The following TRMT9B variants were observed in gnomAD, a reference collection of about 807,000 sequenced individuals.
TRMT9B encodes the protein probable tRNA methyltransferase 9B.
Under a neutral mutation model 11.5 loss-of-function variants are expected in TRMT9B, and 16 were observed. The ratio of observed to expected loss-of-function variants is 1.39; its 90% CI spans 0.94 to 2.11. TRMT9B has a LOEUF of 2.11. TRMT9B is among the 30% of genes most tolerant of loss of function. The pLI is 0.00. For missense variants in TRMT9B, 941 were observed against 553.8 expected (o/e 1.70, Z -7.02); for synonymous variants, 274 against 192.4 (o/e 1.42, Z -3.51).
At chr8:12,981,603 TA>T in intron 1 of TRMT9B, among the ~76,000 whole-genome samples, 1 of 150,162 alleles carries the variant, frequency 6.7e-6, no homozygotes, top group African/African-American at 2.5e-5. Flanking sequence ...TTTATTTATT[TA>T]TTTTTTTTTG....
At chr8:12,980,732 T>A (rs1563352625) in intron 1 of TRMT9B, among the ~76,000 whole-genome samples, 1 of 152,100 alleles carries the variant, frequency 6.6e-6, no homozygotes, top group Non-Finnish European at 1.5e-5. Flanking sequence ...AGCTGAACCT[T>A]CGAAGATACT....
intron 4 of TRMT9B, among the ~76,000 whole-genome samples, chr8:13,015,737 T>A (rs1812531562): frequency 6.6e-6 from 1 of 152,104 alleles, no homozygotes; most frequent in Non-Finnish European, 1.5e-5. Context: ...TAGACCACCT[T>A]TCCTATGCTT....
At chr8:12,981,775 C>T (rs1805436591) in intron 1 of TRMT9B, among the ~76,000 whole-genome samples, 1 of 151,744 alleles carries the variant, frequency 6.6e-6, no homozygotes, top group Admixed American at 6.6e-5. Flanking sequence ...ATTTTTCAAT[C>T]TTTTTAGAGA....
chr8:12,976,650 A>C (rs957705347), intron 1 of TRMT9B, among the ~76,000 whole-genome samples: 1 of 152,230 alleles, frequency 6.6e-6, no homozygotes, highest in Non-Finnish European at 1.5e-5. Context: ...TGGCATATTC[A>C]AAAGATGTTA....
At chr8:13,020,119 C>T (rs933990794) in intron 4 of TRMT9B, among the ~76,000 whole-genome samples, 1 of 152,160 alleles carries the variant, frequency 6.6e-6, no homozygotes, top group East Asian at 1.9e-4. Context: ...ATTATTTTGA[C>T]CCTTAGAGCA....
intron 1 of TRMT9B, among the ~76,000 whole-genome samples, chr8:12,963,530 G>A (rs573597031): frequency 4.6e-5 from 7 of 152,190 alleles, no homozygotes; most frequent in South Asian, 4.2e-4. Flanking sequence ...TAGGCAGATC[G>A]CTTGAGCCCA....
chr8:12,964,083 C>T (rs1802494526), intron 1 of TRMT9B, among the ~76,000 whole-genome samples: 1 of 152,116 alleles, frequency 6.6e-6, no homozygotes, highest in Non-Finnish European at 1.5e-5. Flanking sequence ...TTTAGGATGC[C>T]CTAAAACAGA....
In TRMT9B at chr8:12,953,873, A is replaced by C. The variant is rs140114127; in HGVS notation, c.-200+7907A>C. Reference sequence around the variant, plus strand: ...ATCTTGTCACTGAGGAAATTGTGCCAAAGAACTGCTGCTTTATTAACGCAT... The same window carrying C: ...ATCTTGTCACTGAGGAAATTGTGCCCAAGAACTGCTGCTTTATTAACGCAT... On this transcript the variant is annotated intron_variant, in intron 1 of 4. Transcript: ENST00000524591. Among the ~76,000 whole-genome samples the C allele has an allele frequency of 7.9e-5, 12 of 152,326 alleles. 1 individual carries two copies. Among genetic ancestry groups the C allele is most frequent in the African/African-American group, 2.9e-4 (12 of 41,580 alleles).
chr8:13,015,339 C>T (rs916816871), intron 4 of TRMT9B, among the ~76,000 whole-genome samples: 2 of 151,958 alleles, frequency 1.3e-5, no homozygotes, highest in Non-Finnish European at 1.5e-5. Context: ...GCCTCCCTAA[C>T]CTTCAGCATT....
chr8:12,978,714 A>G (rs894303731), intron 1 of TRMT9B, among the ~76,000 whole-genome samples: 18 of 152,192 alleles, frequency 1.2e-4, no homozygotes, highest in African/African-American at 4.1e-4. Context: ...TAACCAAGAC[A>G]TACACAGCGT....
chr8:12,984,361 A>T (rs1397069039), intron 1 of TRMT9B, among the ~76,000 whole-genome samples: 1 of 152,234 alleles, frequency 6.6e-6, no homozygotes, highest in Admixed American at 6.5e-5. Flanking sequence ...CAATTGTGTT[A>T]CACTAATATA....
At chr8:12,965,841 C>T (rs143172420) in intron 1 of TRMT9B, among the ~76,000 whole-genome samples, 3,851 of 151,738 alleles carry the variant, frequency 0.025, 56 homozygotes, top group Middle Eastern at 0.054. Flanking sequence ...GGCAAAACCC[C>T]ATCTCTACTA....
intron 1 of TRMT9B, among the ~76,000 whole-genome samples, chr8:12,956,698 C>G (rs1446976910): frequency 1.3e-5 from 2 of 152,228 alleles, no homozygotes; most frequent in East Asian, 3.9e-4. Flanking sequence ...GTGTTTTTCC[C>G]GAATCTTTCT....
chr8:13,012,694 T>G lies in TRMT9B; in HGVS notation c.165T>G (p.Thr55=). The G allele has an allele frequency of 6.2e-7, 1 of 1,612,970 alleles. No homozygotes were observed. Among genetic ancestry groups the G allele is most frequent in the Non-Finnish European group, 8.5e-7 (1 of 1,179,282 alleles). Residue 55 remains threonine (T), a synonymous_variant, in exon 4 of 5, where the codon ACT becomes ACG. Transcript: ENST00000524591. ...GTTTTTCTCTTATAGGTTGTGGGACTGGAAAATATCTTAAAGTGAACAGCC... is the reference window on the plus strand; with the variant it reads ...GTTTTTCTCTTATAGGTTGTGGGACGGGAAAATATCTTAAAGTGAACAGCC... ...GSLIADIGCG[T]GKYLKVNSQV...
chr8:12,981,600 A>G (rs1805401488), intron 1 of TRMT9B, among the ~76,000 whole-genome samples: 1 of 149,754 alleles, frequency 6.7e-6, no homozygotes, highest in Non-Finnish European at 1.5e-5. Flanking sequence ...TTATTTATTT[A>G]TTTATTTTTT....
chr8:13,002,423 C>G (rs1222740277), intron 2 of TRMT9B, among the ~76,000 whole-genome samples: 1 of 152,136 alleles, frequency 6.6e-6, no homozygotes, highest in Non-Finnish European at 1.5e-5. Context: ...CTGTTTTTCT[C>G]TTGTGTGGGC....
Position 12,991,035 on chromosome 8 carries a change from A to T in TRMT9B, c.-2+4A>T, listed in dbSNP as rs1389333683. 8.2e-7 allele frequency: 1 copy of T among 1,218,836 alleles called. No individual in the cohort carries two copies. Among genetic ancestry groups the T allele is most frequent in the East Asian group, 5.8e-5 (1 of 17,312 alleles). The allele number at this position is 1,218,836 out of a possible 1,614,324, so 75.5% of individuals were successfully genotyped here. A position where few individuals can be genotyped will look rare whatever the true frequency, so the allele number is the denominator to read the frequency against. On this transcript the variant is annotated splice_donor_region_variant and intron_variant, in intron 2 of 4. Coordinates refer to ENST00000524591, the MANE Select transcript of TRMT9B (RefSeq NM_020844.3). ...CTGTAATCACAGGATGACTCAGGTT[A>T]GTAGCTTTCAGCGCTTCTGCAACTC...
intron 1 of TRMT9B, among the ~76,000 whole-genome samples, chr8:12,975,681 T>A (rs1479462863): frequency 1.3e-5 from 2 of 152,124 alleles, no homozygotes; most frequent in Non-Finnish European, 2.9e-5. Flanking sequence ...GAGGTAGCAG[T>A]GAGCCGAGAT....
At position 13,021,025 on chromosome 8, in the gene TRMT9B, A is replaced by G. The variant is rs1813728062; in HGVS notation, c.346A>G (p.Thr116Ala). ...TTTTTCAGTCATACATCATTTTTCT[A>G]CAAAACAAAGAAGAATCAGAGCAAT... ...ISIGVIHHFSTKQRRIRAIKE... is the reference protein window; with the variant it reads ...ISIGVIHHFSAKQRRIRAIKE... Residue 116 changes from threonine to alanine, a missense_variant, in exon 5 of 5, where the codon ACA (threonine) becomes GCA (alanine). Transcript: ENST00000524591. 1 of 1,551,886 alleles carries G rather than the reference A, an allele frequency of 6.4e-7. No homozygotes were observed. The highest frequency in any genetic ancestry group is 8.7e-7 in the Non-Finnish European group (1 of 1,150,270).
Sources: gnomAD v4.1 joint callset for allele counts (sites outside exome capture counted in the v4.1 genomes callset) on GRCh38, gnomAD v4.1.1 for gene constraint, MANE v1.5 for transcripts, NCBI Gene and HGNC (gene_info 2026-07-23, HGNC 2026-07-21) for gene names.